The following COL4A3 variants were observed in gnomAD, a reference collection of about 807,000 sequenced individuals.
COL4A3 encodes the protein collagen alpha-3(IV) chain.
A neutral mutation model predicts 217.4 loss-of-function variants in COL4A3; 135 were observed. The observed-to-expected ratio is 0.62, with a 90% CI of 0.54 to 0.72. COL4A3 has a LOEUF of 0.72. COL4A3 is among the 30% of genes least tolerant of loss of function. COL4A3 has a pLI of 0.00. For missense variants in COL4A3, 1,868 were observed against 2,119.9 expected (o/e 0.88, Z 2.33); for synonymous variants, 690 against 736.3 (o/e 0.94, Z 1.02).
chr2:227,195,746 T>G (rs919102839), intron 1 of COL4A3, among the ~76,000 whole-genome samples: 2 of 150,352 alleles, frequency 1.3e-5, no homozygotes, highest in African/African-American at 4.9e-5. Flanking sequence ...CTTCAGGAGA[T>G]ATCCAGAAGA....
Position 227,211,947 on chromosome 2 carries a change from G to A in COL4A3, c.88-26021G>A, listed in dbSNP as rs538910092. On this transcript the variant is annotated intron_variant, in intron 1 of 51. Coordinates refer to ENST00000396578, the MANE Select transcript of COL4A3 (RefSeq NM_000091.5). ...CTCCCAAAGTGCTAGGATTATAGGT[G>A]TGAGCCACCGTGCCCGGCCAGACTT... Among the ~76,000 whole-genome samples, 13 of 152,276 alleles carry A rather than the reference G, an allele frequency of 8.5e-5. No individual in the cohort carries two copies. In the South Asian group the frequency reaches 1.5e-3, roughly 17 times the overall value.
chr2:227,174,442 G>A (rs6747876), intron 1 of COL4A3, among the ~76,000 whole-genome samples: 7,538 of 152,206 alleles, frequency 0.05, 234 homozygotes, highest in Admixed American at 0.087. Flanking sequence ...ATAGCAGACA[G>A]AAGTGCTCCA....
At chr2:227,306,684 A>G (rs763687216) in intron 47 of COL4A3, among the ~76,000 whole-genome samples, 3 of 152,138 alleles carry the variant, frequency 2.0e-5, no homozygotes, top group Admixed American at 6.5e-5. Context: ...GGGCTTTTAC[A>G]AATTTCTGAG....
rs746794832 is a variant in COL4A3, at chr2:227,253,577, C to A, written c.704C>A (p.Thr235Lys). The stretch of plus-strand genomic sequence containing the variant: ...TGTCTTTAGGGTGTGAAAGGGTTAA[C>A]AGGACCCCCGGGACCACCAGGAACA... ...HKGERGVKGL[T>K]GPPGPPGTVI... The change falls in exon 13 of 52, where the codon ACA (threonine) becomes AAA (lysine). Residue 235 changes from threonine (T) to lysine (K), a missense_variant. Physicochemically the swap from Thr to Lys is moderately conservative, Grantham distance 78. Transcript: ENST00000396578. The surrounding 1 kb of genome is among the most constrained non-coding windows in gnomAD (Gnocchi z 4.4). 6.2e-7 allele frequency: 1 copy of A among 1,613,964 alleles called. No homozygotes were observed. The highest frequency in any genetic ancestry group is 8.5e-7 in the Non-Finnish European group (1 of 1,179,864).
intron 1 of COL4A3, among the ~76,000 whole-genome samples, chr2:227,229,145 G>T (rs1252327550): frequency 1.3e-5 from 2 of 152,174 alleles, no homozygotes; most frequent in Non-Finnish European, 2.9e-5. Context: ...ATGTGCAGGT[G>T]AGACATGGGT....
intron 25 of COL4A3, among the ~76,000 whole-genome samples, 181 bp downstream of exon 25, chr2:227,271,133 T>C (rs1277125569): frequency 2.0e-5 from 3 of 152,194 alleles, no homozygotes; most frequent in Non-Finnish European, 4.4e-5. Context: ...TTTGACAGAA[T>C]AAATAGGTAG....
intron 1 of COL4A3, among the ~76,000 whole-genome samples, chr2:227,171,647 A>G (rs6707003): frequency 0.049 from 7,514 of 152,232 alleles, 224 homozygotes; most frequent in Admixed American, 0.087. Context: ...GTCCAAGATC[A>G]GGGTGCCAAA....
At chr2:227,199,668 C>A (rs1407681512) in intron 1 of COL4A3, among the ~76,000 whole-genome samples, 1 of 152,200 alleles carries the variant, frequency 6.6e-6, no homozygotes, top group East Asian at 1.9e-4. Flanking sequence ...CACCTAAGAT[C>A]TTAAATATTG....
At chr2:227,260,740 C>A (rs1157045771) in intron 19 of COL4A3, among the ~76,000 whole-genome samples, 2 of 152,098 alleles carry the variant, frequency 1.3e-5, no homozygotes, top group African/African-American at 4.8e-5. Context: ...AGATGGAACA[C>A]CAAGACAAAC....
intron 1 of COL4A3, among the ~76,000 whole-genome samples, chr2:227,171,973 C>T (rs1288531227): frequency 6.6e-6 from 1 of 152,156 alleles, no homozygotes; most frequent in Non-Finnish European, 1.5e-5. Flanking sequence ...TGTCCGCATG[C>T]GCAGTGGCCT....
chr2:227,170,292 A>T (rs2065429248), intron 1 of COL4A3, among the ~76,000 whole-genome samples: 1 of 152,066 alleles, frequency 6.6e-6, no homozygotes, highest in Non-Finnish European at 1.5e-5. Context: ...TCTAATCTTT[A>T]TGCCTTTTTT....
chr2:227,309,292 C>G lies in COL4A3; in HGVS notation c.4729C>G (p.Leu1577Val). The change falls in exon 50 of 52, where the codon CTC becomes GTC. Residue 1577 changes from leucine (L) to valine (V), a missense_variant. By Grantham distance (32) the Leu-to-Val change is conservative. This residue lies in a region of COL4A3 where 1,503 missense variants were observed against 1,786.1 expected (regional missense o/e 0.84). Transcript: ENST00000396578. ...TCCATGTCCTCACGGCTGGATTTCT[C>G]TCTGGAAAGGATTTTCATTCATCAT... ...IPPCPHGWIS[L>V]WKGFSFIMFT... The G allele has an allele frequency of 6.2e-7, 1 of 1,614,052 alleles. No individual in the cohort carries two copies. The highest frequency in any genetic ancestry group is 8.5e-7 in the Non-Finnish European group (1 of 1,179,976).
intron 37 of COL4A3, 119 bp downstream of exon 37, chr2:227,291,005 A>C: frequency 8.2e-7 from 1 of 1,213,176 alleles, no homozygotes. Flanking sequence ...ATACTTTCAG[A>C]CAGTTATTTG....
At chr2:227,177,610 A>C (rs1030349624) in intron 1 of COL4A3, among the ~76,000 whole-genome samples, 1 of 152,102 alleles carries the variant, frequency 6.6e-6, no homozygotes, top group African/African-American at 2.4e-5. Flanking sequence ...CTATTTTGCT[A>C]TTTGAGGTTT....
At chr2:227,254,244 G>A in intron 14 of COL4A3, 70 bp downstream of exon 14, 1 of 1,353,348 alleles carries the variant, frequency 7.4e-7, no homozygotes, top group South Asian at 1.2e-5. Context: ...TTTGATGTGT[G>A]TTTTGTCTTA....
In COL4A3 at chr2:227,253,589, G is replaced by A. The variant is rs1574699782; in HGVS notation, c.716G>A (p.Gly239Glu). ...RGVKGLTGPP[G>E]PPGTVIVTLT... ...GTGAAAGGGTTAACAGGACCCCCGG[G>A]ACCACCAGGAACAGTTATTGTGACC... The change falls in exon 13 of 52, where the codon GGA (glycine) becomes GAA (glutamate). Residue 239 changes from glycine (G) to glutamate (E), a missense_variant. Around this residue, in one of 2 missense-constraint regions of COL4A3, gnomAD observed 365 missense variants for 333.8 expected, o/e 1.09. Transcript: ENST00000396578. This position sits in a 1 kb window ranked among gnomAD's most constrained non-coding sequence, Gnocchi z 4.4. The A allele has an allele frequency of 1.2e-6, 2 of 1,614,052 alleles. No homozygotes were observed. The highest frequency in any genetic ancestry group is 8.5e-7 in the Non-Finnish European group (1 of 1,179,954).
chr2:227,224,061 C>T (rs1361866739), intron 1 of COL4A3, among the ~76,000 whole-genome samples: 1 of 152,200 alleles, frequency 6.6e-6, no homozygotes, highest in Admixed American at 6.5e-5. Flanking sequence ...CCTCTGTGCT[C>T]TGAAGTTTGC....
rs760648428 is a variant in COL4A3, at chr2:227,269,964, G to GT, written c.1560dup (p.Leu521SerfsTer13). The GT allele has an allele frequency of 6.2e-7, 1 of 1,613,738 alleles. No individual in the cohort carries two copies. Among genetic ancestry groups the GT allele is most frequent in the South Asian group, 1.1e-5 (1 of 91,068 alleles). The stretch of plus-strand genomic sequence containing the variant: ...AGCCCAGGGTCCCCAGGAAATACAG[G>GT]TCTTCCAGGATTTCCAGTAAGATTT... On this transcript the variant is annotated frameshift_variant, in exon 24 of 52. Coordinates refer to ENST00000396578, the MANE Select transcript of COL4A3 (RefSeq NM_000091.5). LOFTEE classifies it high-confidence loss of function.
chr2:227,195,667 A>ATATGTGTGTGTGTGTGTG (rs1226857286), intron 1 of COL4A3, among the ~76,000 whole-genome samples: 23 of 139,982 alleles, frequency 1.6e-4, no homozygotes, highest in African/African-American at 6.0e-4. Context: ...ATATATATAT[A>ATATGTGTGTGTGTGTGTG]TGTGTGTGTG....
Sources: allele counts gnomAD v4.1 joint callset (sites outside exome capture counted in the v4.1 genomes callset), GRCh38; gene constraint gnomAD v4.1.1; regional missense constraint gnomAD v4.1.1; non-coding constraint Gnocchi (gnomAD v3.1); transcripts MANE v1.5; gene names NCBI Gene and HGNC (gene_info 2026-07-23, HGNC 2026-07-21).